Variants in FNIP1 observed in about 807,000 individuals in gnomAD.
FNIP1 encodes folliculin interacting protein 1.
In FNIP1, 40 loss-of-function variants were observed where a neutral mutation model predicts 124.5. That is an observed-to-expected ratio of 0.32 (90% CI 0.25 to 0.42). FNIP1 has a LOEUF of 0.42. Ranked by LOEUF, FNIP1 falls within the 10% of genes least tolerant of loss-of-function variation. The pLI is 1.00. For synonymous variants in FNIP1, 472 were observed against 470.6 expected (o/e 1.00, Z -0.04); for missense variants, 1,176 against 1,403.7 (o/e 0.84, Z 2.59).
intron 11 of FNIP1, among the ~76,000 whole-genome samples, chr5:131,687,623 G>C (rs575946652): frequency 6.6e-6 from 1 of 152,260 alleles, no homozygotes; most frequent in African/African-American, 2.4e-5. Context: ...TGCGGACAGA[G>C]GGAAAACCAT....
At chr5:131,667,504 T>C (rs563346665) in intron 15 of FNIP1, among the ~76,000 whole-genome samples, 9 of 152,338 alleles carry the variant, frequency 5.9e-5, no homozygotes, top group Admixed American at 2.0e-4. Flanking sequence ...TGGCTAACAA[T>C]TGACTGTTGC....
intron 11 of FNIP1, among the ~76,000 whole-genome samples, chr5:131,696,713 TAC>T (rs1469499288): frequency 2.0e-5 from 3 of 152,146 alleles, no homozygotes; most frequent in Non-Finnish European, 4.4e-5. Flanking sequence ...TCATCTCAAA[TAC>T]AGTTTTTGCC....
At position 131,720,080 on chromosome 5, in the gene FNIP1, C is replaced by T. The variant is rs543836827; in HGVS notation, c.355-663G>A. Among the ~76,000 whole-genome samples, 13 of 152,296 alleles carry T rather than the reference C, an allele frequency of 8.5e-5. No individual in the cohort carries two copies. The East Asian group carries it at 2.5e-3, about 29-fold the overall frequency. ...AAAAGAACAAAGCTGGTGGGCATTA[C>T]ACTTCCTGATTTCAAATTATACTAC... On this transcript the variant is annotated intron_variant, in intron 3 of 17. Transcript: ENST00000510461.
intron 14 of FNIP1, 40 bp from the exon 15 acceptor site, chr5:131,670,671 T>C (rs771986254): frequency 4.9e-6 from 7 of 1,414,526 alleles, no homozygotes; most frequent in Non-Finnish European, 6.6e-6. Context: ...TATTTAGTAA[T>C]AAATATATTT....
chr5:131,732,581 C>T (rs542243195), intron 2 of FNIP1, among the ~76,000 whole-genome samples: 2 of 152,242 alleles, frequency 1.3e-5, no homozygotes, highest in African/African-American at 2.4e-5. Flanking sequence ...ATTTGTTAAA[C>T]AGGGAATCCT....
chr5:131,711,826 T>C (rs1769300190), intron 6 of FNIP1, among the ~76,000 whole-genome samples: 1 of 152,212 alleles, frequency 6.6e-6, no homozygotes, highest in Non-Finnish European at 1.5e-5. Flanking sequence ...TAACAGATAT[T>C]ATTTTTCTGT....
intron 1 of FNIP1, among the ~76,000 whole-genome samples, chr5:131,781,716 A>G (rs1335524026): frequency 6.6e-6 from 1 of 152,226 alleles, no homozygotes; most frequent in Non-Finnish European, 1.5e-5. Context: ...TTGTCACCAA[A>G]GAGCTCCAAT....
intron 7 of FNIP1, among the ~76,000 whole-genome samples, chr5:131,709,548 CA>C (rs1438665612): frequency 6.6e-6 from 1 of 152,038 alleles, no homozygotes; most frequent in Admixed American, 6.6e-5. Flanking sequence ...TATTCAGTGA[CA>C]TATTTATAAT....
chr5:131,651,304 G>A (rs1338693188), intron 16 of FNIP1, among the ~76,000 whole-genome samples: 1 of 151,758 alleles, frequency 6.6e-6, no homozygotes, highest in African/African-American at 2.4e-5. Flanking sequence ...AAGGCAGGAG[G>A]ATCACCTGAG....
At chr5:131,751,106 G>C (rs922760042) in intron 1 of FNIP1, among the ~76,000 whole-genome samples, 1 of 152,080 alleles carries the variant, frequency 6.6e-6, no homozygotes, top group Admixed American at 6.6e-5. Flanking sequence ...GGCTGGCCCA[G>C]ATCTGCCTTT....
chr5:131,780,409 A>G (rs930729840), intron 1 of FNIP1, among the ~76,000 whole-genome samples: 2 of 152,182 alleles, frequency 1.3e-5, no homozygotes, highest in Non-Finnish European at 2.9e-5. Flanking sequence ...AAGTCTATGT[A>G]GGCATCTTAT....
chr5:131,681,165 T>C (rs562180150), intron 11 of FNIP1, among the ~76,000 whole-genome samples: 1 of 152,330 alleles, frequency 6.6e-6, no homozygotes, highest in Admixed American at 6.5e-5. Context: ...AAACTCTTCC[T>C]GGCATTTGTA....
chr5:131,672,119 C>G lies in FNIP1; in HGVS notation c.2325G>C (p.Gln775His). 6.2e-7 allele frequency: 1 copy of G among 1,614,188 alleles called. No homozygotes were observed. Among genetic ancestry groups the G allele is most frequent in the South Asian group, 1.1e-5 (1 of 91,078 alleles). The change falls in exon 14 of 18, where the codon CAG (glutamine) becomes CAC (histidine). Residue 775 changes from glutamine (Q) to histidine (H), a missense_variant. Gln to His is a conservative substitution (Grantham distance 24). Transcript: ENST00000510461. ...TELRSQAVVD[Q>H]ITRHHTKPLK... The stretch of plus-strand genomic sequence containing the variant: ...ATGGTTTGGTGTGATGTCTGGTAAT[C>G]TGATCCACCACTGCCTGACTTCGAA...
chr5:131,761,938 C>T (rs1771245459), intron 1 of FNIP1, among the ~76,000 whole-genome samples: 1 of 152,046 alleles, frequency 6.6e-6, no homozygotes, highest in Admixed American at 6.6e-5. Flanking sequence ...GAAGAGAATA[C>T]AGAACCCAGA....
intron 11 of FNIP1, among the ~76,000 whole-genome samples, chr5:131,696,810 G>A (rs570172195): frequency 5.8e-4 from 88 of 152,136 alleles, no homozygotes; most frequent in African/African-American, 2.1e-3. Context: ...CCTAACCACT[G>A]AGTGTACTGT....
chr5:131,660,411 T>C (rs1561641468), intron 15 of FNIP1, among the ~76,000 whole-genome samples: 1 of 152,164 alleles, frequency 6.6e-6, no homozygotes, highest in Admixed American at 6.5e-5. Context: ...TCCAGGTTTT[T>C]TGCATGTCTG....
chr5:131,796,989 C>G lies in FNIP1; in HGVS notation c.-68G>C. ...TAGGCCCCTGCTCCTACAGCCGCCCCGCCACCCCCATGGGCGCCTCAGTCA... is the reference window on the plus strand; with the variant it reads ...TAGGCCCCTGCTCCTACAGCCGCCCGGCCACCCCCATGGGCGCCTCAGTCA... On this transcript the variant is annotated 5_prime_UTR_variant, in exon 1 of 18. Coordinates refer to ENST00000510461, the MANE Select transcript of FNIP1 (RefSeq NM_133372.3). 1 of 1,405,012 alleles carries G rather than the reference C, an allele frequency of 7.1e-7. No individual in the cohort carries two copies. The highest frequency in any genetic ancestry group is 9.7e-7 in the Non-Finnish European group (1 of 1,026,660). 87.0% of individuals were successfully genotyped at this position (1,405,012 alleles called of 1,614,324 possible).
intron 15 of FNIP1, among the ~76,000 whole-genome samples, chr5:131,662,316 A>AAATTATCATCT (rs1262570184): frequency 2.6e-5 from 4 of 152,258 alleles, no homozygotes; most frequent in Non-Finnish European, 5.9e-5. Flanking sequence ...AAGGAAAAAA[A>AAATTATCATCT]AAACTGGAAA....
intron 3 of FNIP1, among the ~76,000 whole-genome samples, chr5:131,726,714 T>C (rs12523195): frequency 0.25 from 37,514 of 152,054 alleles, 6,118 homozygotes; most frequent in Non-Finnish European, 0.37. Flanking sequence ...GCTTTTGAAT[T>C]TGTTTGCTTT....
Sources: allele counts gnomAD v4.1 joint callset (sites outside exome capture counted in the v4.1 genomes callset), GRCh38; gene constraint gnomAD v4.1.1; transcripts MANE v1.5; gene names NCBI Gene and HGNC (gene_info 2026-07-23, HGNC 2026-07-21).